Variants in FER observed in about 807,000 individuals in gnomAD.
FER encodes the protein FER tyrosine kinase.
A neutral mutation model predicts 111.0 loss-of-function variants in FER; 63 were observed. The ratio of observed to expected loss-of-function variants is 0.57; its 90% confidence interval spans 0.46 to 0.70. The LOEUF (loss-of-function observed/expected upper bound fraction) is 0.70. Ranked by LOEUF, FER falls within the 30% of genes least tolerant of loss-of-function variation. The probability of loss-of-function intolerance (pLI) is 0.00; values close to 1 mark genes in which losing one functional copy is unlikely to be tolerated. For synonymous variants in FER, 327 were observed against 313.9 expected (o/e 1.04, Z -0.44); for missense variants, 914 against 954.0 (o/e 0.96, Z 0.55).
At chr5:108,835,182 C>CCGG (rs1156902120) in intron 4 of FER, among the ~76,000 whole-genome samples, 1 of 73,144 alleles carries the variant, frequency 1.4e-5, no homozygotes, top group Non-Finnish European at 2.8e-5. Context: ...TTCGTTTGCG[C>CCGG]CACCCCCCCC....
intron 13 of FER, among the ~76,000 whole-genome samples, chr5:108,970,176 G>T (rs1760443085): frequency 6.8e-6 from 1 of 147,934 alleles, no homozygotes; most frequent in Non-Finnish European, 1.5e-5. Context: ...CTTCCTAAAT[G>T]AGCTGCATTA....
chr5:109,086,730 A>G (rs756823146), intron 16 of FER, among the ~76,000 whole-genome samples: 1 of 151,408 alleles, frequency 6.6e-6, no homozygotes, highest in Non-Finnish European at 1.5e-5. Flanking sequence ...ATCATGTTCT[A>G]ATTTTTCTTG....
At chr5:109,009,008 A>G (rs867222625) in intron 13 of FER, among the ~76,000 whole-genome samples, 2 of 150,390 alleles carry the variant, frequency 1.3e-5, no homozygotes, top group Admixed American at 1.3e-4. Flanking sequence ...CAATAGCCAA[A>G]GCTTTCATTT....
intron 17 of FER, among the ~76,000 whole-genome samples, chr5:109,109,535 A>G (rs946394200): frequency 3.9e-5 from 6 of 152,136 alleles, no homozygotes; most frequent in Non-Finnish European, 8.8e-5. Flanking sequence ...TTCTTCCAGT[A>G]TAAAATCAGG....
At chr5:108,888,000 T>C (rs928724223) in intron 9 of FER, among the ~76,000 whole-genome samples, 4 of 151,898 alleles carry the variant, frequency 2.6e-5, no homozygotes, top group Non-Finnish European at 5.9e-5. Flanking sequence ...ATACCTTATG[T>C]ATTATAAAAT....
Position 108,871,414 on chromosome 5 carries a change from G to A in FER, c.715G>A (p.Glu239Lys), listed in dbSNP as rs768573503. 2.5e-6 allele frequency: 4 copies of A among 1,611,784 alleles called. No homozygotes were observed. In the Admixed American group the frequency reaches 5.0e-5, roughly 20 times the overall value. The change falls in exon 7 of 20, where the codon GAA becomes AAA. Residue 239 changes from glutamate to lysine, a missense_variant. By Grantham distance (56) the Glu-to-Lys change is moderately conservative (BLOSUM62 1). Around this residue, in one of 3 missense-constraint regions of FER, gnomAD observed 774 missense variants for 782.6 expected, o/e 0.99. Transcript: ENST00000281092. Reference protein sequence around the residue: ...YSQITSLVTEEIVNVHKEIQM... With the variant: ...YSQITSLVTEKIVNVHKEIQM... ...CCAGATAACCAGTCTTGTCACAGAG[G>A]AAATAGTGAATGTCCATAAAGAGAT...
At chr5:109,175,982 A>C (rs1424693529) in intron 17 of FER, among the ~76,000 whole-genome samples, 2 of 152,184 alleles carry the variant, frequency 1.3e-5, no homozygotes. Flanking sequence ...CCATCTCCAA[A>C]AAACAAACAA....
At chr5:108,999,075 G>GT (rs1194328300) in intron 13 of FER, among the ~76,000 whole-genome samples, 3 of 151,926 alleles carry the variant, frequency 2.0e-5, no homozygotes, top group Non-Finnish European at 4.4e-5. Context: ...TCTTGCTTTA[G>GT]TTTTTTTAAA....
chr5:109,051,278 AGT>A, intron 16 of FER: 1 of 1,347,988 alleles, frequency 7.4e-7, no homozygotes, highest in Middle Eastern at 1.8e-4. Context: ...CTTCTCCACA[AGT>A]GAGAGGAATC....
chr5:109,187,793 AC>A lies in FER; in HGVS notation c.*220del, dbSNP rs1470036844. ...GTCCTACCAAGGGCTTTCTTAGCTA[AC>A]CATAGCAATCCTACCATTTCAGGCC... On this transcript the variant is annotated 3_prime_UTR_variant, in exon 20 of 20. Coordinates refer to ENST00000281092, the MANE Select transcript of FER (RefSeq NM_005246.4). 1 of 560,650 alleles carries A rather than the reference AC, an allele frequency of 1.8e-6. No individual in the cohort carries two copies. Among genetic ancestry groups the A allele is most frequent in the Non-Finnish European group, 3.1e-6 (1 of 319,500 alleles). 34.7% of individuals were successfully genotyped at this position (560,650 alleles called of 1,614,324 possible).
At chr5:109,172,459 G>A (rs1032177875) in intron 17 of FER, among the ~76,000 whole-genome samples, 1 of 112,172 alleles carries the variant, frequency 8.9e-6, no homozygotes, top group Non-Finnish European at 1.7e-5. Context: ...ACAGGAAGGG[G>A]AACATCACAC....
chr5:109,048,106 A>G (rs1403577402), intron 16 of FER, among the ~76,000 whole-genome samples: 4 of 152,126 alleles, frequency 2.6e-5, no homozygotes, highest in African/African-American at 9.6e-5. Flanking sequence ...AAATATGTAA[A>G]ACGTTTCTAA....
intron 9 of FER, chr5:108,894,753 A>G (rs573433390): frequency 1.1e-5 from 2 of 187,306 alleles, no homozygotes; most frequent in Admixed American, 5.5e-5. Flanking sequence ...AGGGGAAGCA[A>G]GACACGTCTT....
intron 17 of FER, among the ~76,000 whole-genome samples, chr5:109,170,331 G>T (rs1582369808): frequency 6.6e-6 from 1 of 152,088 alleles, no homozygotes; most frequent in South Asian, 2.1e-4. Flanking sequence ...GAACAAAATG[G>T]CAGAAATCTA....
intron 13 of FER, among the ~76,000 whole-genome samples, chr5:109,023,673 T>A (rs542516902): frequency 3.4e-4 from 52 of 150,826 alleles, no homozygotes; most frequent in African/African-American, 1.2e-3. Flanking sequence ...TTTTTTTTTT[T>A]AATTTGCAAA....
intron 10 of FER, among the ~76,000 whole-genome samples, chr5:108,945,167 T>C (rs1756808968): frequency 6.6e-6 from 1 of 152,152 alleles, no homozygotes; most frequent in African/African-American, 2.4e-5. Flanking sequence ...AGAAGTAAAA[T>C]TTGGCATCAC....
At chr5:109,078,242 C>T (rs560606000) in intron 16 of FER, among the ~76,000 whole-genome samples, 3 of 152,246 alleles carry the variant, frequency 2.0e-5, no homozygotes, top group South Asian at 2.1e-4. Flanking sequence ...CTCAAGGATA[C>T]GTCCATGGAA....
Position 109,043,456 on chromosome 5 carries a change from T to C in FER, c.1714-1224T>C, listed in dbSNP as rs370026548. Among the ~76,000 whole-genome samples the C allele has an allele frequency of 5.3e-5, 8 of 152,344 alleles. No homozygotes were observed. In the East Asian group the frequency reaches 9.6e-4, roughly 18 times the overall value. ...GTTTTATAAATATTTGAGTTGACTA[T>C]TAGATTAAATGGTAAAAATTGAATA... On this transcript the variant is annotated intron_variant, in intron 14 of 19. Transcript: ENST00000281092.
At chr5:108,862,129 A>G (rs1324283023) in intron 5 of FER, among the ~76,000 whole-genome samples, 1 of 152,158 alleles carries the variant, frequency 6.6e-6, no homozygotes, top group African/African-American at 2.4e-5. Context: ...AGAATTTATT[A>G]TTATTATTTT....
Sources: gnomAD v4.1 joint callset for allele counts (sites outside exome capture counted in the v4.1 genomes callset) on GRCh38, gnomAD v4.1.1 for gene constraint, gnomAD v4.1.1 regional missense constraint, MANE v1.5 for transcripts, NCBI Gene and HGNC (gene_info 2026-07-23, HGNC 2026-07-21) for gene names.